Variants in TACR1 observed in about 807,000 individuals in gnomAD.
TACR1 encodes the protein tachykinin receptor 1, also known as substance-P receptor.
TACR1 carries 25 observed loss-of-function variants against 35.8 expected under a neutral mutation model. That is an observed-to-expected ratio of 0.70 (90% confidence interval 0.51 to 0.98). TACR1 has a LOEUF of 0.98. Among genes scored for constraint, TACR1 ranks in the 50% least tolerant of loss-of-function variants. The pLI, the probability that TACR1 is intolerant of heterozygous loss-of-function variation, is 0.00. For synonymous variants in TACR1, 195 were observed against 206.7 expected, an observed-to-expected ratio of 0.94 and a Z score of 0.48; for missense variants, 478 against 522.9, an observed-to-expected ratio of 0.91 and a Z score of 0.84.
At chr2:75,161,113 A>G (rs949115215) in intron 1 of TACR1, among the ~76,000 whole-genome samples, 2 of 152,058 alleles carry the variant, frequency 1.3e-5, no homozygotes, top group Admixed American at 6.6e-5. Context: ...ATCAGGAAGT[A>G]TATTCACAAT....
intron 1 of TACR1, among the ~76,000 whole-genome samples, chr2:75,167,437 C>T (rs1407315193): frequency 6.6e-6 from 1 of 152,084 alleles, no homozygotes; most frequent in African/African-American, 2.4e-5. Flanking sequence ...ATTGTGATAT[C>T]AACATGAGGA....
chr2:75,160,838 C>T (rs569673320), intron 1 of TACR1, among the ~76,000 whole-genome samples: 9 of 134,624 alleles, frequency 6.7e-5, no homozygotes, highest in South Asian at 2.5e-4. Context: ...AATCAATATA[C>T]GTGAGAGAGG....
At chr2:75,155,378 C>T (rs1039459944) in intron 1 of TACR1, among the ~76,000 whole-genome samples, 13 of 152,164 alleles carry the variant, frequency 8.5e-5, no homozygotes, top group Non-Finnish European at 1.2e-4. Context: ...TTCTCCTCTC[C>T]TCTTTTTCCT....
intron 1 of TACR1, among the ~76,000 whole-genome samples, chr2:75,177,748 G>A (rs929379921): frequency 2.0e-5 from 3 of 152,134 alleles, no homozygotes; most frequent in African/African-American, 7.2e-5. Flanking sequence ...TTTTCTGCCT[G>A]CTCTATGCCT....
intron 2 of TACR1, among the ~76,000 whole-genome samples, chr2:75,101,853 C>T (rs1232754926): frequency 6.6e-6 from 1 of 151,900 alleles, no homozygotes; most frequent in African/African-American, 2.4e-5. Flanking sequence ...GAGGCTGAGC[C>T]ACATTGCTTG....
chr2:75,181,199 G>C (rs1675550105), intron 1 of TACR1, among the ~76,000 whole-genome samples: 1 of 152,016 alleles, frequency 6.6e-6, no homozygotes, highest in South Asian at 2.1e-4. Context: ...ATTACCAATT[G>C]TTTCTTCCCC....
In TACR1 at chr2:75,182,280, C is replaced by T. The variant is rs1572985933; in HGVS notation, c.389+16266G>A. ...ACCCCCATTGCCCCAAAATTTCTCT[C>T]ATGGCCTGTGCTCCCTGCAAGGAAG... On this transcript the variant is annotated intron_variant, in intron 1 of 4. Coordinates refer to ENST00000305249, the MANE Select transcript of TACR1 (RefSeq NM_001058.4). Among the ~76,000 whole-genome samples the T allele has an allele frequency of 2.6e-5, 4 of 152,198 alleles. No individual in the cohort carries two copies. In the South Asian group the frequency reaches 8.3e-4, roughly 32 times the overall value.
intron 1 of TACR1, among the ~76,000 whole-genome samples, chr2:75,166,909 T>C (rs1471828074): frequency 1.3e-5 from 2 of 152,250 alleles, no homozygotes; most frequent in Non-Finnish European, 2.9e-5. Context: ...CTTAGTGTTC[T>C]TATAATAAAA....
At chr2:75,190,572 T>TC (rs1675819761) in intron 1 of TACR1, among the ~76,000 whole-genome samples, 1 of 152,240 alleles carries the variant, frequency 6.6e-6, no homozygotes, top group East Asian at 1.9e-4. Flanking sequence ...CAGAGTTTAC[T>TC]AGAGGGCATA....
chr2:75,077,948 A>G (rs773576213), intron 2 of TACR1, among the ~76,000 whole-genome samples: 2 of 152,172 alleles, frequency 1.3e-5, no homozygotes, highest in Non-Finnish European at 2.9e-5. Context: ...CAAGTTGGAA[A>G]GCTCATTCAT....
chr2:75,086,375 C>T (rs1337622073), intron 2 of TACR1, among the ~76,000 whole-genome samples: 1 of 152,204 alleles, frequency 6.6e-6, no homozygotes, highest in African/African-American at 2.4e-5. Context: ...AATTACTTAT[C>T]ACTGAGATAA....
chr2:75,135,922 C>CGCATTCTGTTTCACCA (rs1553378741), intron 1 of TACR1, among the ~76,000 whole-genome samples: 1 of 152,186 alleles, frequency 6.6e-6, no homozygotes, highest in Non-Finnish European at 1.5e-5. Flanking sequence ...CTCTCCATTT[C>CGCATTCTGTTTCACCA]GCATTCTGTT....
chr2:75,103,501 A>G (rs944816567), intron 2 of TACR1, among the ~76,000 whole-genome samples: 2 of 152,190 alleles, frequency 1.3e-5, no homozygotes, highest in Non-Finnish European at 2.9e-5. Context: ...GAGTAACTCA[A>G]AGAAATTATA....
intron 1 of TACR1, among the ~76,000 whole-genome samples, chr2:75,157,695 G>A (rs1315870328): frequency 6.6e-6 from 1 of 151,820 alleles, no homozygotes; most frequent in Non-Finnish European, 1.5e-5. Context: ...AAAAGAAGAA[G>A]AAATAAAACC....
At chr2:75,067,088 C>G (rs1001518570) in intron 2 of TACR1, among the ~76,000 whole-genome samples, 6 of 152,034 alleles carry the variant, frequency 3.9e-5, no homozygotes, top group African/African-American at 1.2e-4. Flanking sequence ...GGAGAGGGTC[C>G]GAGGGGAGCA....
At chr2:75,115,478 A>G (rs941776246) in intron 2 of TACR1, among the ~76,000 whole-genome samples, 2 of 152,196 alleles carry the variant, frequency 1.3e-5, no homozygotes, top group Non-Finnish European at 2.9e-5. Flanking sequence ...TGCTATAGGT[A>G]TTCTTGCATG....
At chr2:75,134,066 G>T (rs745598436) in intron 1 of TACR1, among the ~76,000 whole-genome samples, 1 of 152,198 alleles carries the variant, frequency 6.6e-6, no homozygotes, top group East Asian at 1.9e-4. Context: ...TACCCTGCAC[G>T]GTCTAAAAAG....
intron 1 of TACR1, among the ~76,000 whole-genome samples, chr2:75,179,061 A>T (rs984066505): frequency 9.2e-5 from 14 of 152,154 alleles, no homozygotes; most frequent in Non-Finnish European, 1.5e-4. Flanking sequence ...TTCATGAAGT[A>T]TCTCTACTTG....
At chr2:75,103,222 C>A (rs1279192207) in intron 2 of TACR1, among the ~76,000 whole-genome samples, 1 of 152,090 alleles carries the variant, frequency 6.6e-6, no homozygotes, top group African/African-American at 2.4e-5. Context: ...GAAACCAGGG[C>A]TTCTTAGAGA....
Sources: allele counts gnomAD v4.1 joint callset (sites outside exome capture counted in the v4.1 genomes callset), GRCh38; gene constraint gnomAD v4.1.1; transcripts MANE v1.5; gene names NCBI Gene and HGNC (gene_info 2026-07-23, HGNC 2026-07-21).